Variants in PPP1R21 observed in about 807,000 individuals in gnomAD.
The protein encoded by PPP1R21 is protein phosphatase 1 regulatory subunit 21.
Under a neutral mutation model 112.8 loss-of-function variants are expected in PPP1R21, and 85 were observed. That is an observed-to-expected ratio of 0.75 (90% confidence interval 0.63 to 0.90). PPP1R21 has a LOEUF of 0.90. Among genes scored for constraint, PPP1R21 ranks in the 40% least tolerant of loss-of-function variants. The pLI is 0.00. For missense variants in PPP1R21, 1,199 were observed against 901.5 expected (o/e 1.33, Z -4.23); for synonymous variants, 381 against 322.3 (o/e 1.18, Z -1.95).
At chr2:48,497,120 G>A (rs553436271) in intron 16 of PPP1R21, among the ~76,000 whole-genome samples, 48 of 152,288 alleles carry the variant, frequency 3.2e-4, no homozygotes, top group African/African-American at 1.1e-3. Flanking sequence ...TGTGACTGCC[G>A]TCTGCAGGGG....
chr2:48,493,995 G>T (rs1669689455), intron 15 of PPP1R21, among the ~76,000 whole-genome samples: 1 of 148,324 alleles, frequency 6.7e-6, no homozygotes, highest in Non-Finnish European at 1.5e-5. Flanking sequence ...GCCAGGGTGG[G>T]AGGATCACTT....
At chr2:48,468,572 G>A (rs1415595636) in intron 9 of PPP1R21, among the ~76,000 whole-genome samples, 1 of 152,112 alleles carries the variant, frequency 6.6e-6, no homozygotes, top group Non-Finnish European at 1.5e-5. Context: ...TAGTACTTTG[G>A]GAGGCTGAGG....
chr2:48,502,381 A>G (rs1376204936), intron 17 of PPP1R21, among the ~76,000 whole-genome samples: 1 of 149,762 alleles, frequency 6.7e-6, no homozygotes, highest in Non-Finnish European at 1.5e-5. Flanking sequence ...CTTGCCTTGC[A>G]CACAGTGCAC....
intron 1 of PPP1R21, among the ~76,000 whole-genome samples, chr2:48,448,785 A>G (rs1464693916): frequency 6.6e-6 from 1 of 152,310 alleles, no homozygotes; most frequent in East Asian, 1.9e-4. Context: ...TCTCTTTTGA[A>G]CTTCTAGAGC....
intron 1 of PPP1R21, among the ~76,000 whole-genome samples, chr2:48,444,243 G>T (rs1227976390): frequency 6.6e-6 from 1 of 152,200 alleles, no homozygotes; most frequent in African/African-American, 2.4e-5. Flanking sequence ...GTCATTTGAG[G>T]TTCTTAATAT....
intron 1 of PPP1R21, among the ~76,000 whole-genome samples, chr2:48,442,090 C>T (rs1667055644): frequency 6.6e-6 from 1 of 152,154 alleles, no homozygotes; most frequent in Non-Finnish European, 1.5e-5. Context: ...CGTTGCATTT[C>T]CATTTGAAAT....
intron 2 of PPP1R21, among the ~76,000 whole-genome samples, chr2:48,452,913 T>G (rs1294790136): frequency 2.0e-5 from 3 of 151,984 alleles, no homozygotes; most frequent in African/African-American, 7.2e-5. Flanking sequence ...GTAATGTCAG[T>G]AGAGTGTAGA....
intron 19 of PPP1R21, among the ~76,000 whole-genome samples, chr2:48,509,313 T>C (rs1670526828): frequency 2.0e-5 from 3 of 151,956 alleles, no homozygotes; most frequent in Admixed American, 2.0e-4. Flanking sequence ...TACCTTAGGA[T>C]CCATAGTGCG....
At chr2:48,441,256 A>G (rs1667016564) in intron 1 of PPP1R21, 1 of 565,396 alleles carries the variant, frequency 1.8e-6, no homozygotes, top group African/African-American at 2.0e-5. Flanking sequence ...CTTCCTTTTC[A>G]CTGAAGTAGC....
chr2:48,448,805 C>T (rs1183313754), intron 1 of PPP1R21, among the ~76,000 whole-genome samples: 1 of 152,130 alleles, frequency 6.6e-6, no homozygotes, highest in African/African-American at 2.4e-5. Context: ...CAGAGTTTAC[C>T]AAGCTCTGTA....
At chr2:48,459,981 A>G (rs75251775) in intron 5 of PPP1R21, 63 bp downstream of exon 5, 35 of 1,590,108 alleles carry the variant, frequency 2.2e-5, no homozygotes, top group African/African-American at 8.1e-5. Flanking sequence ...TAAATTGTCT[A>G]TCCACTTAGA....
At position 48,513,371 on chromosome 2, in the gene PPP1R21, AT is replaced by A. The variant is rs113981174; in HGVS notation, c.2314-1330del. 1.8e-3 allele frequency among the ~76,000 whole-genome samples: 260 copies of A among 144,202 alleles called. 1 individual carries two copies. Among genetic ancestry groups the A allele is most frequent in the Admixed American group, 2.2e-3 (31 of 14,364 alleles). 94.6% of individuals were successfully genotyped at this position (144,202 alleles called of 152,430 possible). A position where few individuals can be genotyped will look rare whatever the true frequency, so the allele number is the denominator to read the frequency against. On this transcript the variant is annotated intron_variant, in intron 21 of 21. Transcript: ENST00000294952. ...AGGCATGCACCACCATGCCCGGCTAATTTTTTTTTTTTTTGTATTTTTGCAA... is the reference window on the plus strand; with the variant it reads ...AGGCATGCACCACCATGCCCGGCTAATTTTTTTTTTTTTGTATTTTTGCAA...
intron 19 of PPP1R21, among the ~76,000 whole-genome samples, chr2:48,509,323 G>A (rs189653385): frequency 6.6e-6 from 1 of 151,946 alleles, no homozygotes; most frequent in Admixed American, 6.6e-5. Flanking sequence ...TCCATAGTGC[G>A]TGGTCAGAAG....
rs574649695 is a variant in PPP1R21, at chr2:48,498,395, G to C, written c.1693-98G>C. On this transcript the variant is annotated intron_variant, in intron 16 of 21. Transcript: ENST00000294952. ...ACTTTATTATTATATTTTTACCTCT[G>C]TGGGGTAGTTTTGGTTTACATTCTG... is the stretch of plus-strand genomic sequence containing the variant. 1.3e-5 allele frequency: 15 copies of C among 1,151,506 alleles called. No individual in the cohort carries two copies. The East Asian group carries it at 2.9e-4, about 22-fold the overall frequency. 71.3% of individuals were successfully genotyped at this position (1,151,506 alleles called of 1,614,324 possible).
intron 2 of PPP1R21, among the ~76,000 whole-genome samples, chr2:48,451,664 T>C (rs1420422916): frequency 6.6e-6 from 1 of 152,246 alleles, no homozygotes; most frequent in Non-Finnish European, 1.5e-5. Flanking sequence ...GTAGTAAATA[T>C]TGCTTAGTGA....
Position 48,511,466 on chromosome 2 carries a change from A to G in PPP1R21, c.2311A>G (p.Lys771Glu), listed in dbSNP as rs1558534115. Residue 771 changes from lysine (K) to glutamate (E), a missense_variant and splice_region_variant, in exon 21 of 22, where the codon AAG (lysine) becomes GAG (glutamate). Lys to Glu is a moderately conservative substitution (Grantham distance 56, BLOSUM62 1). Coordinates refer to ENST00000294952, the MANE Select transcript of PPP1R21 (RefSeq NM_001135629.3). ...GATTGACACACTAAAGATGTCCAGT[A>G]AGGTATGTGAGGTGAGGTGAGGTAG... ...EEIDTLKMSS[K>E]GNSKKNKSR is the part of the protein sequence containing the mutation. 5.0e-6 allele frequency: 8 copies of G among 1,612,890 alleles called. No homozygotes were observed. The highest frequency in any genetic ancestry group is 5.9e-6 in the Non-Finnish European group (7 of 1,179,648).
At position 48,507,372 on chromosome 2, in the gene PPP1R21, A is replaced by G. The variant is rs1670430749; in HGVS notation, c.2072A>G (p.His691Arg). ...CAGCTGGCTGACAGTAAGTCAGTGC[A>G]TTTTTATGCCGAGGTGAGTGTAGAT... Reference protein sequence around the residue: ...QLQLADSKSVHFYAECRALSK... With the variant: ...QLQLADSKSVRFYAECRALSK... Residue 691 changes from histidine to arginine, a missense_variant, in exon 19 of 22, where the codon CAT becomes CGT. His to Arg is a conservative substitution (Grantham distance 29, BLOSUM62 0). Coordinates refer to ENST00000294952, the MANE Select transcript of PPP1R21 (RefSeq NM_001135629.3). 6.2e-7 allele frequency: 1 copy of G among 1,600,890 alleles called. No homozygotes were observed. Among genetic ancestry groups the G allele is most frequent in the African/African-American group, 1.4e-5 (1 of 73,892 alleles).
chr2:48,507,357 A>G lies in PPP1R21; in HGVS notation c.2057A>G (p.Asp686Gly), dbSNP rs1358500022. Residue 686 changes from aspartate (D) to glycine (G), a missense_variant, in exon 19 of 22, where the codon GAC becomes GGC. Transcript: ENST00000294952. The stretch of plus-strand genomic sequence containing the variant: ...CTTACGTCTCAGTTGCAGCTGGCTG[A>G]CAGTAAGTCAGTGCATTTTTATGCC... Reference protein sequence around the residue: ...VELTSQLQLADSKSVHFYAEC... With the variant: ...VELTSQLQLAGSKSVHFYAEC... 1.3e-6 allele frequency: 2 copies of G among 1,595,954 alleles called. No individual in the cohort carries two copies. The highest frequency in any genetic ancestry group is 2.7e-5 in the African/African-American group (2 of 73,530).
intron 1 of PPP1R21, 57 bp from the exon 2 acceptor site, chr2:48,450,951 C>G (rs1250924343): frequency 3.5e-6 from 5 of 1,431,724 alleles, no homozygotes; most frequent in Non-Finnish European, 9.8e-7. Context: ...ATGTGATTTC[C>G]TTGATATAAC....
Sources: allele counts gnomAD v4.1 joint callset (sites outside exome capture counted in the v4.1 genomes callset), GRCh38; gene constraint gnomAD v4.1.1; transcripts MANE v1.5; gene names NCBI Gene and HGNC (gene_info 2026-07-23, HGNC 2026-07-21).